GDPD1: variants seen among roughly 807,000 people sequenced by gnomAD.
GDPD1 encodes lysophospholipase D GDPD1.
GDPD1 carries 28 observed loss-of-function variants against 45.1 expected under a neutral mutation model. The ratio of observed to expected loss-of-function variants is 0.62; its 90% CI spans 0.46 to 0.85. The LOEUF (loss-of-function observed/expected upper bound fraction) is 0.85. Ranked by LOEUF, GDPD1 falls within the 40% of genes least tolerant of loss-of-function variation. The probability of loss-of-function intolerance (pLI) is 0.00; values close to 1 mark genes in which losing one functional copy is unlikely to be tolerated. For missense variants in GDPD1, 256 were observed against 364.8 expected (o/e 0.70, Z 2.43); for synonymous variants, 139 against 131.4 (o/e 1.06, Z -0.40).
At chr17:59,261,490 TTTATTA>T (rs766401407) in intron 6 of GDPD1, among the ~76,000 whole-genome samples, 1 of 151,228 alleles carries the variant, frequency 6.6e-6, no homozygotes, top group East Asian at 1.9e-4. Flanking sequence ...AATGATTTAT[TTTATTA>T]TTATTATTAT....
At chr17:59,265,120 C>T (rs1216349652) in intron 6 of GDPD1, among the ~76,000 whole-genome samples, 5 of 152,036 alleles carry the variant, frequency 3.3e-5, no homozygotes, top group African/African-American at 4.8e-5. Context: ...GGATTACAGG[C>T]GTGAGCAACC....
intron 1 of GDPD1, among the ~76,000 whole-genome samples, chr17:59,224,033 GA>G (rs2047026419): frequency 6.6e-6 from 1 of 152,160 alleles, no homozygotes; most frequent in Non-Finnish European, 1.5e-5. Flanking sequence ...CTGCCATCAT[GA>G]TGAGCTTGAC....
At chr17:59,259,154 G>T (rs1484823723) in intron 6 of GDPD1, among the ~76,000 whole-genome samples, 6 of 151,388 alleles carry the variant, frequency 4.0e-5, no homozygotes, top group African/African-American at 1.2e-4. Flanking sequence ...AAAATCCTGG[G>T]CACAGTGGCT....
At chr17:59,252,727 C>T (rs7220435) in intron 4 of GDPD1, among the ~76,000 whole-genome samples, 42,201 of 148,478 alleles carry the variant, frequency 0.28, 6,677 homozygotes, top group African/African-American at 0.44. Context: ...TGGCCTGGTG[C>T]GGTGGCTCAC....
chr17:59,221,536 C>G (rs566596090), intron 1 of GDPD1, among the ~76,000 whole-genome samples: 2 of 150,516 alleles, frequency 1.3e-5, no homozygotes, highest in South Asian at 4.2e-4. Context: ...TAGGACAGGA[C>G]AGTATTGTTT....
intron 7 of GDPD1, among the ~76,000 whole-genome samples, chr17:59,269,725 A>AG (rs1685847193): frequency 6.6e-6 from 1 of 152,030 alleles, no homozygotes. Context: ...CAGGAGGCTG[A>AG]GGCAGGAGAA....
At chr17:59,223,905 C>T (rs545737674) in intron 1 of GDPD1, among the ~76,000 whole-genome samples, 9 of 152,152 alleles carry the variant, frequency 5.9e-5, no homozygotes, top group African/African-American at 1.9e-4. Context: ...TGCGAGACTC[C>T]GTCAGGGCAC....
chr17:59,263,281 C>T (rs2047372109), intron 6 of GDPD1, among the ~76,000 whole-genome samples: 1 of 151,978 alleles, frequency 6.6e-6, no homozygotes, highest in South Asian at 2.1e-4. Context: ...ATCCTCTTGT[C>T]TCATTCTCCC....
rs928790513 is a variant in GDPD1, at chr17:59,275,900, A to G, written c.*2127A>G. Reference sequence around the variant, plus strand: ...CTATGAAGAATGACTGTACTCTCCTATCTGTCCCTGGATGACATAAATATC... The same window carrying G: ...CTATGAAGAATGACTGTACTCTCCTGTCTGTCCCTGGATGACATAAATATC... On this transcript the variant is annotated 3_prime_UTR_variant, in exon 10 of 10. Coordinates refer to ENST00000284116, the MANE Select transcript of GDPD1 (RefSeq NM_182569.4). 1 of 152,190 alleles carries G rather than the reference A, an allele frequency of 6.6e-6. No individual in the cohort carries two copies. The highest frequency in any genetic ancestry group is 1.5e-5 in the Non-Finnish European group (1 of 68,018). 9.4% of individuals were successfully genotyped at this position (152,190 alleles called of 1,614,324 possible).
chr17:59,259,657 G>A (rs894119518), intron 6 of GDPD1, among the ~76,000 whole-genome samples: 12 of 150,064 alleles, frequency 8.0e-5, no homozygotes, highest in African/African-American at 2.4e-4. Flanking sequence ...GCTGAGGCAG[G>A]AGAATTGCTT....
intron 2 of GDPD1, among the ~76,000 whole-genome samples, chr17:59,236,735 A>G (rs2047135022): frequency 6.6e-6 from 1 of 152,042 alleles, no homozygotes; most frequent in African/African-American, 2.4e-5. Flanking sequence ...ATCTCGAACT[A>G]CGGACCTCAA....
Position 59,243,512 on chromosome 17 carries a change from C to CA in GDPD1, c.186-1887dup, listed in dbSNP as rs780707265. ...AGAACGAAACTCAGTACCCCCCAAC[C>CA]AAAAAAAAAAAAAAAGTGAGCGAAC... On this transcript the variant is annotated intron_variant, in intron 2 of 9. Coordinates refer to ENST00000284116, the MANE Select transcript of GDPD1 (RefSeq NM_182569.4). Among the ~76,000 whole-genome samples the CA allele has an allele frequency of 7.9e-3, 905 of 115,198 alleles. 5 individuals are homozygous for CA. The highest frequency in any genetic ancestry group is 0.021 in the African/African-American group (644 of 31,086). 75.6% of individuals were successfully genotyped at this position (115,198 alleles called of 152,430 possible). A position where few individuals can be genotyped will look rare whatever the true frequency, so the allele number is the denominator to read the frequency against.
chr17:59,251,375 C>T (rs752145908), intron 4 of GDPD1, among the ~76,000 whole-genome samples: 3 of 151,844 alleles, frequency 2.0e-5, no homozygotes, highest in Admixed American at 6.6e-5. Flanking sequence ...AAAAATTAGC[C>T]GGGCATGGTG....
intron 6 of GDPD1, among the ~76,000 whole-genome samples, chr17:59,265,113 T>C (rs1316249936): frequency 1.3e-5 from 2 of 152,174 alleles, no homozygotes; most frequent in Non-Finnish European, 2.9e-5. Flanking sequence ...AGTGCTGGGA[T>C]TACAGGCGTG....
In GDPD1 at chr17:59,274,512, CAAAAA is replaced by C. The variant is rs35411377; in HGVS notation, c.*759_*763del. On this transcript the variant is annotated 3_prime_UTR_variant, in exon 10 of 10. Transcript: ENST00000284116. Reference sequence around the variant, plus strand: ...TGGGAGACAGAGTGAGACTCCGTCTCAAAAAAAAAAAAAAAAAAAAAAAATGGGAG... The same window carrying C: ...TGGGAGACAGAGTGAGACTCCGTCTCAAAAAAAAAAAAAAAAAAATGGGAG... 1.5e-5 allele frequency: 1 copy of C among 65,332 alleles called. No individual in the cohort carries two copies. The highest frequency in any genetic ancestry group is 3.3e-5 in the Non-Finnish European group (1 of 30,688). 4.0% of individuals were successfully genotyped at this position (65,332 alleles called of 1,614,324 possible). A position where few individuals can be genotyped will look rare whatever the true frequency, so the allele number is the denominator to read the frequency against.
intron 2 of GDPD1, among the ~76,000 whole-genome samples, chr17:59,240,206 G>A (rs938388630): frequency 6.6e-6 from 1 of 151,852 alleles, no homozygotes; most frequent in African/African-American, 2.4e-5. Context: ...CAGGAGTATC[G>A]CTTGAACCTG....
chr17:59,272,222 A>G lies in GDPD1; in HGVS notation c.771-563A>G, dbSNP rs141538680. ...TGTCTTTCCAGTGCAATGAATTCCT[A>G]TCTTGCTCAAGAGGTTTGTATTTTG... On this transcript the variant is annotated intron_variant, in intron 8 of 9. Coordinates refer to ENST00000284116, the MANE Select transcript of GDPD1 (RefSeq NM_182569.4). 4.4e-3 allele frequency among the ~76,000 whole-genome samples: 677 copies of G among 152,298 alleles called. 9 individuals are homozygous for G. The highest frequency in any genetic ancestry group is 0.015 in the African/African-American group (634 of 41,560).
intron 2 of GDPD1, 129 bp from the exon 3 acceptor site, chr17:59,245,285 G>GTGA: frequency 1.7e-6 from 1 of 602,538 alleles, no homozygotes; most frequent in East Asian, 2.8e-5. Context: ...GTCATACTAA[G>GTGA]TGATGGTATT....
chr17:59,239,004 G>C (rs1345365640), intron 2 of GDPD1, among the ~76,000 whole-genome samples: 1 of 152,134 alleles, frequency 6.6e-6, no homozygotes, highest in African/African-American at 2.4e-5. Flanking sequence ...ATAAAACTAG[G>C]TTATTAAACC....
Sources: allele counts gnomAD v4.1 joint callset (sites outside exome capture counted in the v4.1 genomes callset), GRCh38; gene constraint gnomAD v4.1.1; transcripts MANE v1.5; gene names NCBI Gene and HGNC (gene_info 2026-07-23, HGNC 2026-07-21).